The following TULP4 variants were observed in gnomAD, a reference collection of about 807,000 sequenced individuals.
TULP4 encodes TUB like protein 4.
In TULP4, 16 loss-of-function variants were observed where a neutral mutation model predicts 129.0. That is an observed-to-expected ratio of 0.12 (90% CI 0.08 to 0.19). The LOEUF is 0.19. Ranked by LOEUF, TULP4 falls within the 10% of genes least tolerant of loss-of-function variation. The pLI is 1.00. For synonymous variants in TULP4, 998 were observed against 854.0 expected, an observed-to-expected ratio of 1.17 and a Z score of -2.94; for missense variants, 1,842 against 2,059.1, an observed-to-expected ratio of 0.89 and a Z score of 2.04.
intron 1 of TULP4, among the ~76,000 whole-genome samples, chr6:158,348,426 G>T (rs1454777039): frequency 6.6e-6 from 1 of 151,938 alleles, no homozygotes; most frequent in Non-Finnish European, 1.5e-5. Flanking sequence ...AGCACATCTT[G>T]CACCGCCCTT....
At chr6:158,357,834 A>G (rs1407187870) in intron 1 of TULP4, among the ~76,000 whole-genome samples, 1 of 152,092 alleles carries the variant, frequency 6.6e-6, no homozygotes, top group African/African-American at 2.4e-5. Flanking sequence ...TTTTCTTTGT[A>G]AAATTTAGGA....
intron 8 of TULP4, among the ~76,000 whole-genome samples, chr6:158,486,522 C>T (rs1780074562): frequency 1.3e-5 from 2 of 151,950 alleles, no homozygotes; most frequent in African/African-American, 4.8e-5. Flanking sequence ...CACTGCACTC[C>T]AGCCTGGGTG....
chr6:158,261,888 A>G (rs948873015), intron 1 of TULP4, among the ~76,000 whole-genome samples: 2 of 152,130 alleles, frequency 1.3e-5, no homozygotes, highest in African/African-American at 4.8e-5. Flanking sequence ...GAGGGTGGGA[A>G]GGGCAAAGGA....
chr6:158,392,383 A>G (rs1424116356), intron 1 of TULP4, among the ~76,000 whole-genome samples: 1 of 152,212 alleles, frequency 6.6e-6, no homozygotes, highest in Non-Finnish European at 1.5e-5. Flanking sequence ...CACATCATGA[A>G]GTAACAGAAT....
chr6:158,267,263 T>G (rs890646542), intron 1 of TULP4, among the ~76,000 whole-genome samples: 6 of 152,212 alleles, frequency 3.9e-5, no homozygotes, highest in African/African-American at 1.4e-4. Context: ...CATCTGTTGA[T>G]GGACACCGGG....
chr6:158,454,018 A>ATTC (rs1554293007), intron 5 of TULP4, among the ~76,000 whole-genome samples: 1 of 114,622 alleles, frequency 8.7e-6, no homozygotes, highest in East Asian at 2.4e-4. Flanking sequence ...CTGCCTCTGC[A>ATTC]CCGCCCCCCC....
intron 1 of TULP4, among the ~76,000 whole-genome samples, chr6:158,334,564 A>T (rs558074084): frequency 5.3e-4 from 80 of 150,836 alleles, no homozygotes; most frequent in African/African-American, 1.8e-3. Flanking sequence ...AGTTATATGC[A>T]GATCTTCAAC....
chr6:158,358,128 C>G (rs1235970759), intron 1 of TULP4, among the ~76,000 whole-genome samples: 1 of 152,154 alleles, frequency 6.6e-6, no homozygotes, highest in African/African-American at 2.4e-5. Flanking sequence ...TTCAACCTTT[C>G]AGGACTTTTC....
intron 1 of TULP4, among the ~76,000 whole-genome samples, chr6:158,296,519 A>G (rs140756360): frequency 6.6e-6 from 1 of 152,206 alleles, no homozygotes; most frequent in East Asian, 1.9e-4. Flanking sequence ...ACATGCTTCA[A>G]AGGGCAAAAA....
At chr6:158,461,841 T>C (rs1166063960) in intron 6 of TULP4, 112 bp downstream of exon 6, 1 of 1,277,084 alleles carries the variant, frequency 7.8e-7, no homozygotes, top group African/African-American at 1.5e-5. Flanking sequence ...TAGGTTGTGG[T>C]GGGTAAACCA....
intron 12 of TULP4, among the ~76,000 whole-genome samples, 173 bp downstream of exon 12, chr6:158,498,985 A>G (rs920312232): frequency 1.3e-5 from 2 of 152,216 alleles, no homozygotes; most frequent in African/African-American, 4.8e-5. Flanking sequence ...GAAAAGTCAC[A>G]GGTTGGCACC....
intron 4 of TULP4, among the ~76,000 whole-genome samples, chr6:158,450,496 A>C (rs1779141466): frequency 6.6e-6 from 1 of 152,184 alleles, no homozygotes; most frequent in Admixed American, 6.5e-5. Context: ...ACACATGAAA[A>C]ACAATTGAGA....
intron 1 of TULP4, among the ~76,000 whole-genome samples, chr6:158,318,870 C>T (rs1019729890): frequency 1.3e-5 from 2 of 150,848 alleles, no homozygotes; most frequent in South Asian, 4.2e-4. Context: ...GGACTACAGA[C>T]ATATGCCACA....
rs181299180 is a variant in TULP4 at position 158,289,242 on chromosome 6, G to A, written n.116+6864G>A. On this transcript the variant is annotated intron_variant and non_coding_transcript_variant, in intron 1 of 1. Transcript: ENST00000432358. The stretch of plus-strand genomic sequence containing the variant: ...ATTATTTTATCTTAAGTTTCATGGT[G>A]TCTGTAGTTAGTTGTAGCCCTCTTT... Among the ~76,000 whole-genome samples the A allele has an allele frequency of 2.8e-3, 430 of 152,182 alleles. 3 individuals carry two copies. The highest frequency in any genetic ancestry group is 2.0e-3 in the Non-Finnish European group (136 of 68,010).
chr6:158,440,140 C>T (rs341117), intron 3 of TULP4, among the ~76,000 whole-genome samples: 36,340 of 151,312 alleles, frequency 0.24, 5,593 homozygotes, highest in Non-Finnish European at 0.34. Context: ...AGCAACATGA[C>T]AAAACCCTGT....
intron 1 of TULP4, among the ~76,000 whole-genome samples, chr6:158,388,034 A>ATT (rs1777490350): frequency 6.6e-6 from 1 of 152,220 alleles, no homozygotes; most frequent in African/African-American, 2.4e-5. Flanking sequence ...ACAGTAGAAC[A>ATT]GCTAATCAGT....
chr6:158,506,551 G>A (rs1175871899), intron 13 of TULP4, 27 bp from the exon 14 acceptor site: 1 of 1,480,928 alleles, frequency 6.8e-7, no homozygotes, highest in Non-Finnish European at 9.4e-7. Flanking sequence ...ATTCTTTAAT[G>A]TCTTTGCTTC....
chr6:158,260,887 C>T (rs1778340816), intron 1 of TULP4, among the ~76,000 whole-genome samples: 1 of 151,434 alleles, frequency 6.6e-6, no homozygotes, highest in South Asian at 2.1e-4. Context: ...ATGGCGCAAT[C>T]TCGGCTCACT....
intron 1 of TULP4, among the ~76,000 whole-genome samples, chr6:158,268,880 G>C (rs557457590): frequency 1.3e-5 from 2 of 152,024 alleles, no homozygotes; most frequent in East Asian, 3.9e-4. Context: ...TAGCACTTTT[G>C]GTGAGCATCT....
Sources: gnomAD v4.1 joint callset for allele counts (sites outside exome capture counted in the v4.1 genomes callset) on GRCh38, gnomAD v4.1.1 for gene constraint, MANE v1.5 for transcripts, NCBI Gene and HGNC (gene_info 2026-07-23, HGNC 2026-07-21) for gene names.